Variants in SHANK2 observed in about 807,000 individuals in gnomAD.
SHANK2 encodes SH3 and multiple ankyrin repeat domains 2, also known as SH3 and multiple ankyrin repeat domains protein 2.
SHANK2 carries 43 observed loss-of-function variants against 133.7 expected under a neutral mutation model. That is an observed-to-expected ratio of 0.32 (90% CI 0.25 to 0.41). SHANK2 has a LOEUF of 0.41. SHANK2 is among the 10% of genes least tolerant of loss of function. The pLI is 1.00. For synonymous variants in SHANK2, 1,017 were observed against 952.8 expected, an observed-to-expected ratio of 1.07 and a Z score of -1.24; for missense variants, 1,994 against 2,235.8, an observed-to-expected ratio of 0.89 and a Z score of 2.18.
chr11:70,894,654 T>TAAA (rs1949906817), intron 11 of SHANK2, among the ~76,000 whole-genome samples: 1 of 152,166 alleles, frequency 6.6e-6, no homozygotes, highest in South Asian at 2.1e-4. Flanking sequence ...CACCCCTTCC[T>TAAA]CTTTGCAGTG....
intron 14 of SHANK2, among the ~76,000 whole-genome samples, chr11:70,792,378 A>G (rs1433613596): frequency 2.7e-5 from 4 of 146,334 alleles, no homozygotes; most frequent in African/African-American, 5.0e-5. Context: ...CAACCAACCA[A>G]CCAACCAGCC....
chr11:71,210,210 G>GTGTATATATATGTATGTATATATATATA lies in SHANK2; in HGVS notation c.-13+14486_-13+14487insTATATATATATACATACATATATATACA, dbSNP rs1491563939. ...GGTCCTCTTCATTGGAAATCCACAG[G>GTGTATATATATGTATGTATATATATATA]TATATATATATATATATATATATAT... On this transcript the variant is annotated intron_variant, in intron 2 of 25. Transcript: ENST00000601538. Among the ~76,000 whole-genome samples, 2 of 54,074 alleles carry GTGTATATATATGTATGTATATATATATA rather than the reference G, an allele frequency of 3.7e-5. 1 individual carries two copies. Among genetic ancestry groups the GTGTATATATATGTATGTATATATATATA allele is most frequent in the Admixed American group, 4.8e-4 (2 of 4,190 alleles). 35.5% of individuals were successfully genotyped at this position (54,074 alleles called of 152,430 possible). A position where few individuals can be genotyped will look rare whatever the true frequency, so the allele number is the denominator to read the frequency against.
In SHANK2 at chr11:70,659,872, C is replaced by G; in HGVS notation, c.2017G>C (p.Val673Leu). The change falls in exon 17 of 26, where the codon GTG (valine) becomes CTG (leucine). Residue 673 changes from valine (V) to leucine (L), a missense_variant. Coordinates refer to ENST00000601538, the MANE Select transcript of SHANK2 (RefSeq NM_012309.5). ...GTCCTTAGTCCGGCTTGCCACGCCA[C>G]CCCACCTTCATCCACGGACTCCAGG... Reference protein sequence around the residue: ...QYLESVDEGGVAWQAGLRTGD... With the variant: ...QYLESVDEGGLAWQAGLRTGD... 1 of 1,614,182 alleles carries G rather than the reference C, an allele frequency of 6.2e-7. No individual in the cohort carries two copies. The highest frequency in any genetic ancestry group is 8.5e-7 in the Non-Finnish European group (1 of 1,180,040).
intron 17 of SHANK2, among the ~76,000 whole-genome samples, chr11:70,650,964 G>T (rs1472710102): frequency 1.1e-4 from 16 of 152,168 alleles, no homozygotes; most frequent in Non-Finnish European, 4.4e-5. Context: ...GCCACCATTT[G>T]TTGAGAACTC....
At chr11:70,922,990 G>A (rs782067996) in intron 10 of SHANK2, among the ~76,000 whole-genome samples, 1 of 152,082 alleles carries the variant, frequency 6.6e-6, no homozygotes, top group Admixed American at 6.5e-5. Context: ...TGTAACTTAC[G>A]ATTAATGAGT....
intron 10 of SHANK2, among the ~76,000 whole-genome samples, chr11:70,914,648 C>T (rs1950242407): frequency 1.9e-5 from 1 of 53,064 alleles, no homozygotes; most frequent in African/African-American, 7.1e-5. Flanking sequence ...TAAGCAAGAA[C>T]CCTACCTCTA....
intron 11 of SHANK2, among the ~76,000 whole-genome samples, chr11:70,836,741 C>T (rs1948824226): frequency 6.6e-6 from 1 of 152,230 alleles, no homozygotes; most frequent in South Asian, 2.1e-4. Context: ...CCCTCACAGA[C>T]TGACTTTCGT....
At chr11:70,776,721 T>C (rs1181622914) in intron 14 of SHANK2, among the ~76,000 whole-genome samples, 1 of 150,780 alleles carries the variant, frequency 6.6e-6, no homozygotes, top group Non-Finnish European at 1.5e-5. Context: ...ACTGGGTGGG[T>C]CTTACTAGAT....
chr11:70,828,134 A>G (rs1555057593), intron 11 of SHANK2, among the ~76,000 whole-genome samples: 2 of 152,082 alleles, frequency 1.3e-5, no homozygotes, highest in Non-Finnish European at 2.9e-5. Context: ...ATTTAAAAAC[A>G]TTAGCCGGGT....
chr11:70,550,279 C>T (rs377175586), intron 17 of SHANK2, among the ~76,000 whole-genome samples: 3 of 152,274 alleles, frequency 2.0e-5, no homozygotes, highest in East Asian at 3.9e-4. Flanking sequence ...CCTTACAGCC[C>T]TTTCCCCATG....
intron 8 of SHANK2, among the ~76,000 whole-genome samples, chr11:71,075,985 G>A (rs938603106): frequency 7.7e-4 from 118 of 152,286 alleles, no homozygotes; most frequent in African/African-American, 2.5e-3. Context: ...TCATCTGTAG[G>A]CAGAAACAAC....
At chr11:70,859,868 C>G (rs1949229616) in intron 11 of SHANK2, among the ~76,000 whole-genome samples, 1 of 152,212 alleles carries the variant, frequency 6.6e-6, no homozygotes, top group African/African-American at 2.4e-5. Flanking sequence ...TGACCAGACT[C>G]TGGAGCACCG....
intron 16 of SHANK2, among the ~76,000 whole-genome samples, chr11:70,660,353 A>G (rs2061465626): frequency 6.6e-6 from 1 of 152,196 alleles, no homozygotes; most frequent in Non-Finnish European, 1.5e-5. Flanking sequence ...CCAAATTTAC[A>G]TCTACGTAGA....
chr11:70,506,090 G>A (rs531744042), intron 17 of SHANK2, among the ~76,000 whole-genome samples: 1 of 152,338 alleles, frequency 6.6e-6, no homozygotes, highest in African/African-American at 2.4e-5. Context: ...AAGGACCAAA[G>A]AAAGGCCTCT....
At chr11:71,181,174 G>A (rs1953548079) in intron 2 of SHANK2, among the ~76,000 whole-genome samples, 2 of 151,994 alleles carry the variant, frequency 1.3e-5, no homozygotes, top group African/African-American at 4.8e-5. Context: ...GCCCAGGAAC[G>A]GAATTGCAGG....
At chr11:70,684,313 A>C (rs1945097447) in intron 15 of SHANK2, among the ~76,000 whole-genome samples, 1 of 152,102 alleles carries the variant, frequency 6.6e-6, no homozygotes, top group African/African-American at 2.4e-5. Flanking sequence ...TCCCAGCAGT[A>C]TGGGAGGCAG....
intron 17 of SHANK2, among the ~76,000 whole-genome samples, chr11:70,550,257 C>T (rs930268476): frequency 2.6e-5 from 4 of 152,156 alleles, no homozygotes; most frequent in East Asian, 1.9e-4. Flanking sequence ...CTGCCATGAA[C>T]GACCTCAGCC....
chr11:70,884,516 C>T (rs774143719), intron 11 of SHANK2, among the ~76,000 whole-genome samples: 43 of 152,224 alleles, frequency 2.8e-4, no homozygotes, highest in Middle Eastern at 3.2e-3. Flanking sequence ...CCTTGGACCA[C>T]ACCCGACCCA....
chr11:71,217,849 A>G (rs1954444967), intron 2 of SHANK2, among the ~76,000 whole-genome samples: 1 of 152,118 alleles, frequency 6.6e-6, no homozygotes, highest in African/African-American at 2.4e-5. Flanking sequence ...AAGAGTCAAG[A>G]GGTTTTTTGT....
Sources: gnomAD v4.1 joint callset for allele counts (sites outside exome capture counted in the v4.1 genomes callset) on GRCh38, gnomAD v4.1.1 for gene constraint, MANE v1.5 for transcripts, NCBI Gene and HGNC (gene_info 2026-07-23, HGNC 2026-07-21) for gene names.